PPM1L: variants seen among roughly 807,000 people sequenced by gnomAD.
PPM1L encodes protein phosphatase, Mg2+/Mn2+ dependent 1L.
PPM1L carries 13 observed loss-of-function variants against 31.4 expected under a neutral mutation model. That is an observed-to-expected ratio of 0.41 (90% CI 0.27 to 0.66). The LOEUF (loss-of-function observed/expected upper bound fraction) is 0.66, where lower values mean the gene tolerates loss of function less well. PPM1L is among the 30% of genes least tolerant of loss of function. The pLI is 0.29. For synonymous variants in PPM1L, 184 were observed against 175.4 expected (o/e 1.05, Z -0.39); for missense variants, 326 against 453.7 (o/e 0.72, Z 2.56).
chr3:161,040,379 C>T (rs539543471), intron 2 of PPM1L, among the ~76,000 whole-genome samples: 6 of 152,216 alleles, frequency 3.9e-5, no homozygotes, highest in African/African-American at 1.2e-4. Flanking sequence ...TCCATTGTAT[C>T]GAGGGACTGA....
At chr3:160,873,243 C>T (rs1454685771) in intron 1 of PPM1L, among the ~76,000 whole-genome samples, 1 of 152,144 alleles carries the variant, frequency 6.6e-6, no homozygotes, top group Non-Finnish European at 1.5e-5. Context: ...ATGGGCATCT[C>T]TCCCTTATAA....
rs189977084 is a variant in PPM1L, at chr3:161,051,278, A to G, written c.575-14125A>G. On this transcript the variant is annotated intron_variant, in intron 2 of 3. Coordinates refer to ENST00000498165, the MANE Select transcript of PPM1L (RefSeq NM_139245.4). ...TAAGTGCCTTGCGGGTAAGGACTAT[A>G]TTTTATTCATCTTTATTTCTCCAGA... Among the ~76,000 whole-genome samples, 7 of 152,190 alleles carry G rather than the reference A, an allele frequency of 4.6e-5. No individual in the cohort carries two copies. The East Asian group carries it at 1.2e-3, about 25-fold the overall frequency.
intron 1 of PPM1L, among the ~76,000 whole-genome samples, chr3:160,817,181 G>A (rs1713023926): frequency 6.6e-6 from 1 of 152,016 alleles, no homozygotes; most frequent in Non-Finnish European, 1.5e-5. Flanking sequence ...TAAAGTGTGA[G>A]GATGTATCTG....
intron 2 of PPM1L, among the ~76,000 whole-genome samples, chr3:161,020,137 A>G (rs1159472888): frequency 1.3e-5 from 2 of 151,974 alleles, no homozygotes; most frequent in African/African-American, 4.8e-5. Flanking sequence ...AAAAAAAAAA[A>G]AAAAGTTGTA....
At chr3:160,848,256 G>C (rs894160914) in intron 1 of PPM1L, among the ~76,000 whole-genome samples, 4 of 152,064 alleles carry the variant, frequency 2.6e-5, no homozygotes, top group Admixed American at 6.5e-5. Context: ...TAGAATAAAT[G>C]GTTTTCTCAT....
At position 160,870,866 on chromosome 3, in the gene PPM1L, C is replaced by A. The variant is rs969100663; in HGVS notation, c.400-90870C>A. Among the ~76,000 whole-genome samples, 3 of 151,990 alleles carry A rather than the reference C, an allele frequency of 2.0e-5. No homozygotes were observed. The East Asian group carries it at 5.8e-4, about 29-fold the overall frequency. On this transcript the variant is annotated intron_variant, in intron 1 of 3. Transcript: ENST00000498165. ...TGGTTTTAGCTCTTGGCAAATCATG[C>A]AATAATAATAATAAAAGAGAAGACG...
intron 1 of PPM1L, among the ~76,000 whole-genome samples, chr3:160,786,258 C>G (rs1711931953): frequency 7.7e-6 from 1 of 129,988 alleles, no homozygotes; most frequent in African/African-American, 2.9e-5. Context: ...CACTCTGTTG[C>G]CCAGGCTGGA....
At chr3:160,901,491 C>T (rs1713541268) in intron 1 of PPM1L, among the ~76,000 whole-genome samples, 1 of 152,158 alleles carries the variant, frequency 6.6e-6, no homozygotes, top group Non-Finnish European at 1.5e-5. Context: ...TTCTCCTCCT[C>T]ACCCAGTCAT....
At chr3:161,060,048 A>G (rs116355652) in intron 2 of PPM1L, among the ~76,000 whole-genome samples, 3 of 152,294 alleles carry the variant, frequency 2.0e-5, no homozygotes, top group African/African-American at 4.8e-5. Flanking sequence ...ATGGACTAAT[A>G]TATCTTGTGA....
intron 1 of PPM1L, among the ~76,000 whole-genome samples, chr3:160,929,255 CTTAATT>C (rs1714703412): frequency 6.6e-6 from 1 of 152,246 alleles, no homozygotes; most frequent in Admixed American, 6.5e-5. Flanking sequence ...TGATTTTTCT[CTTAATT>C]TTAAGTAATA....
chr3:160,760,713 T>G (rs1714948462), intron 1 of PPM1L, among the ~76,000 whole-genome samples: 1 of 151,294 alleles, frequency 6.6e-6, no homozygotes, highest in South Asian at 2.1e-4. Flanking sequence ...AAAAGGTGGT[T>G]TTTTTTTTGT....
intron 1 of PPM1L, among the ~76,000 whole-genome samples, chr3:160,865,345 G>A (rs1223693089): frequency 6.6e-6 from 1 of 152,186 alleles, no homozygotes; most frequent in Non-Finnish European, 1.5e-5. Context: ...TAGATGGAAG[G>A]TCCCAGGAAT....
At chr3:160,811,664 G>A (rs889486930) in intron 1 of PPM1L, among the ~76,000 whole-genome samples, 15 of 152,156 alleles carry the variant, frequency 9.9e-5, no homozygotes, top group Non-Finnish European at 1.5e-5. Flanking sequence ...TGTGGAAAAG[G>A]TATGGGCTTG....
At chr3:160,927,495 AT>A (rs1346981104) in intron 1 of PPM1L, among the ~76,000 whole-genome samples, 1 of 151,774 alleles carries the variant, frequency 6.6e-6, no homozygotes, top group African/African-American at 2.4e-5. Context: ...ATGCTGATGA[AT>A]TTTCTTTTTA....
intron 1 of PPM1L, among the ~76,000 whole-genome samples, chr3:160,819,549 T>C (rs1052571956): frequency 6.6e-6 from 1 of 152,010 alleles, no homozygotes; most frequent in African/African-American, 2.4e-5. Context: ...ATCAATTACC[T>C]ACTATGTGTC....
chr3:160,914,326 A>G (rs975903333), intron 1 of PPM1L, among the ~76,000 whole-genome samples: 1 of 152,088 alleles, frequency 6.6e-6, no homozygotes, highest in African/African-American at 2.4e-5. Flanking sequence ...TTTAGGGTAC[A>G]TGTGCACAAC....
intron 1 of PPM1L, among the ~76,000 whole-genome samples, chr3:160,769,643 T>C (rs892404965): frequency 3.9e-5 from 6 of 152,150 alleles, no homozygotes; most frequent in African/African-American, 1.2e-4. Context: ...TATATATCTG[T>C]ATTCACTATA....
At position 160,790,526 on chromosome 3, in the gene PPM1L, G is replaced by A. The variant is rs1360661281; in HGVS notation, c.399+33819G>A. Among the ~76,000 whole-genome samples, 5 of 152,062 alleles carry A rather than the reference G, an allele frequency of 3.3e-5. No homozygotes were observed. In the South Asian group the frequency reaches 1.0e-3, roughly 31 times the overall value. ...GATGAACACCTTTTTTATACTGGGG[G>A]CTCTACTAATAGAGAGAGTCATATT... On this transcript the variant is annotated intron_variant, in intron 1 of 3. Transcript: ENST00000498165.
chr3:160,948,081 G>A (rs1715466064), intron 1 of PPM1L, among the ~76,000 whole-genome samples: 1 of 152,088 alleles, frequency 6.6e-6, no homozygotes, highest in Non-Finnish European at 1.5e-5. Context: ...CCAGCACATA[G>A]TCGACATCCA....
Sources: allele counts gnomAD v4.1 joint callset (sites outside exome capture counted in the v4.1 genomes callset), GRCh38; gene constraint gnomAD v4.1.1; transcripts MANE v1.5; gene names NCBI Gene and HGNC (gene_info 2026-07-23, HGNC 2026-07-21).